Variants in NOL4L observed in about 807,000 individuals in gnomAD.
NOL4L encodes the protein nucleolar protein 4 like.
A neutral mutation model predicts 64.5 loss-of-function variants in NOL4L; 7 were observed. That is an observed-to-expected ratio of 0.11 (90% confidence interval 0.06 to 0.20). The LOEUF (loss-of-function observed/expected upper bound fraction) is 0.20, where lower values mean the gene tolerates loss of function less well. Among genes scored for constraint, NOL4L ranks in the 10% least tolerant of loss-of-function variants. The probability of loss-of-function intolerance (pLI) is 1.00; values close to 1 mark genes in which losing one functional copy is unlikely to be tolerated. For synonymous variants in NOL4L, 413 were observed against 401.0 expected (o/e 1.03, Z -0.36); for missense variants, 680 against 967.1 (o/e 0.70, Z 3.94).
intron 4 of NOL4L, among the ~76,000 whole-genome samples, chr20:32,484,732 G>T (rs1198807772): frequency 6.6e-6 from 1 of 152,106 alleles, no homozygotes; most frequent in South Asian, 2.1e-4. Context: ...CCGTGGAGAC[G>T]GCACCGCCGG....
chr20:32,574,488 T>C (rs569125085), intron 1 of NOL4L, among the ~76,000 whole-genome samples: 18 of 152,254 alleles, frequency 1.2e-4, no homozygotes, highest in African/African-American at 4.3e-4. Context: ...TGTGCAAGGC[T>C]GTGGAAGCCA....
At chr20:32,493,480 C>T (rs969125043) in intron 4 of NOL4L, among the ~76,000 whole-genome samples, 1 of 152,130 alleles carries the variant, frequency 6.6e-6, no homozygotes, top group South Asian at 2.1e-4. Flanking sequence ...CACTCAGGCC[C>T]TTGCTCGGTG....
At chr20:32,548,584 G>A (rs1807546258) in intron 1 of NOL4L, 1 of 230,636 alleles carries the variant, frequency 4.3e-6, no homozygotes, top group South Asian at 4.5e-5. Flanking sequence ...TACACTGAAT[G>A]CTCAATATAC....
chr20:32,576,043 G>A (rs1214438853), intron 1 of NOL4L, among the ~76,000 whole-genome samples: 2 of 152,340 alleles, frequency 1.3e-5, no homozygotes, highest in East Asian at 1.9e-4. Flanking sequence ...TGAACGAGGC[G>A]AGAGGGAATT....
chr20:32,479,513 C>CT (rs1034428192), intron 4 of NOL4L, among the ~76,000 whole-genome samples: 26 of 152,188 alleles, frequency 1.7e-4, no homozygotes, highest in African/African-American at 6.3e-4. Context: ...GAATGAATTG[C>CT]TTAAGGCCAG....
intron 1 of NOL4L, among the ~76,000 whole-genome samples, chr20:32,573,152 C>A (rs1193490163): frequency 6.6e-6 from 1 of 151,866 alleles, no homozygotes; most frequent in Admixed American, 6.6e-5. Context: ...GTAGCTGGGA[C>A]CACAGGCATG....
At chr20:32,477,131 C>T (rs1288208644) in intron 4 of NOL4L, among the ~76,000 whole-genome samples, 2 of 152,174 alleles carry the variant, frequency 1.3e-5, no homozygotes, top group Non-Finnish European at 2.9e-5. Context: ...TCAATACGCA[C>T]ACTCTGGCCT....
chr20:32,528,413 G>A (rs1431990686), intron 1 of NOL4L, among the ~76,000 whole-genome samples: 2 of 152,210 alleles, frequency 1.3e-5, no homozygotes, highest in Non-Finnish European at 2.9e-5. Context: ...AAAGCTTTTC[G>A]CGGCTGCCTG....
chr20:32,488,875 CTTTCTT>C (rs1568649527), intron 4 of NOL4L, among the ~76,000 whole-genome samples: 1 of 85,828 alleles, frequency 1.2e-5, no homozygotes, highest in African/African-American at 6.0e-5. Flanking sequence ...TTCTTTCTTT[CTTTCTT>C]TCTTTCTTTC....
intron 1 of NOL4L, among the ~76,000 whole-genome samples, chr20:32,560,455 T>C (rs1449809731): frequency 6.6e-6 from 1 of 152,234 alleles, no homozygotes; most frequent in Non-Finnish European, 1.5e-5. Context: ...GTCTACCTGA[T>C]TGCCACAGAT....
At chr20:32,536,329 G>C (rs898508101) in intron 1 of NOL4L, 1 of 985,078 alleles carries the variant, frequency 1.0e-6, no homozygotes, top group African/African-American at 1.7e-5. Context: ...CCCTGGGCGC[G>C]CTAACGAGCG....
At chr20:32,553,944 G>A (rs529326309) in intron 1 of NOL4L, among the ~76,000 whole-genome samples, 77 of 152,298 alleles carry the variant, frequency 5.1e-4, no homozygotes, top group African/African-American at 1.8e-3. Flanking sequence ...GAGTAGACAG[G>A]AACTCTCTGG....
At chr20:32,547,862 C>T (rs2018752001) in intron 1 of NOL4L, among the ~76,000 whole-genome samples, 1 of 152,210 alleles carries the variant, frequency 6.6e-6, no homozygotes, top group Non-Finnish European at 1.5e-5. Context: ...TGCTTCTCCT[C>T]CCATGAGCTC....
At chr20:32,454,806 C>T in intron 6 of NOL4L, among the ~76,000 whole-genome samples, 1 of 152,348 alleles carries the variant, frequency 6.6e-6, no homozygotes, top group Admixed American at 6.5e-5. Context: ...TGGTCAGACC[C>T]TGTGATGTGG....
chr20:32,559,206 C>G (rs1353111870), intron 1 of NOL4L, among the ~76,000 whole-genome samples: 1 of 152,126 alleles, frequency 6.6e-6, no homozygotes, highest in African/African-American at 2.4e-5. Context: ...AGGCAGGGGC[C>G]ACTGCTTTCC....
At chr20:32,579,165 G>A (rs186527603) in intron 1 of NOL4L, among the ~76,000 whole-genome samples, 257 of 152,294 alleles carry the variant, frequency 1.7e-3, no homozygotes, top group African/African-American at 5.8e-3. Context: ...AGTCACACCC[G>A]CAGCTGCCAA....
chr20:32,464,696 C>A lies in NOL4L; in HGVS notation c.842-8301G>T. 1 of 250,252 alleles carries A rather than the reference C, an allele frequency of 4.0e-6. No homozygotes were observed. Among genetic ancestry groups the A allele is most frequent in the Non-Finnish European group, 7.6e-6 (1 of 132,018 alleles). The allele number at this position is 250,252 out of a possible 1,614,324, so 15.5% of individuals were successfully genotyped here. On this transcript the variant is annotated intron_variant, in intron 5 of 10. Transcript: ENST00000621426. The surrounding 1 kb of genome is among the most constrained non-coding windows in gnomAD (Gnocchi z 5.6). ...CCTCACAGTCGGGAGCAGCACTGTC[C>A]GACAGAAACAGAGTGGGAGCCGCAT...
Position 32,453,896 on chromosome 20 carries a change from C to T in NOL4L, c.1120-135G>A. On this transcript the variant is annotated intron_variant, in intron 6 of 10. Coordinates refer to ENST00000621426, the MANE Select transcript of NOL4L (RefSeq NM_001256798.2). The surrounding 1 kb of genome is among the most constrained non-coding windows in gnomAD (Gnocchi z 5.6). ...GCCACGAGAGCCATAGCTGCGAGGC[C>T]CTGAGCAAGTCACTCCCCTCTTCTG... 1.3e-6 allele frequency: 1 copy of T among 757,956 alleles called. No individual in the cohort carries two copies. The highest frequency in any genetic ancestry group is 2.1e-6 in the Non-Finnish European group (1 of 467,602). 47.0% of individuals were successfully genotyped at this position (757,956 alleles called of 1,614,324 possible). A position where few individuals can be genotyped will look rare whatever the true frequency, so the allele number is the denominator to read the frequency against.
In NOL4L at chr20:32,443,663, C is replaced by T. The variant is rs1162550076; in HGVS notation, c.*3933G>A. ...ATATGGAACTCATGCTCTTCCAAAACATGTCTAAATTATGCCAGAGGACTA... is the reference window on the plus strand; with the variant it reads ...ATATGGAACTCATGCTCTTCCAAAATATGTCTAAATTATGCCAGAGGACTA... On this transcript the variant is annotated 3_prime_UTR_variant, in exon 11 of 11. Coordinates refer to ENST00000621426, the MANE Select transcript of NOL4L (RefSeq NM_001256798.2). 6.6e-6 allele frequency: 1 copy of T among 152,228 alleles called. No homozygotes were observed. The highest frequency in any genetic ancestry group is 1.5e-5 in the Non-Finnish European group (1 of 68,042). 9.4% of individuals were successfully genotyped at this position (152,228 alleles called of 1,614,324 possible). A position where few individuals can be genotyped will look rare whatever the true frequency, so the allele number is the denominator to read the frequency against.
Sources: allele counts gnomAD v4.1 joint callset (sites outside exome capture counted in the v4.1 genomes callset), GRCh38; gene constraint gnomAD v4.1.1; non-coding constraint Gnocchi (gnomAD v3.1); transcripts MANE v1.5; gene names NCBI Gene and HGNC (gene_info 2026-07-23, HGNC 2026-07-21).